IL4I1: variants seen among roughly 807,000 people sequenced by gnomAD.
IL4I1 encodes L-amino-acid oxidase.
IL4I1 carries 24 observed loss-of-function variants against 29.7 expected under a neutral mutation model. That is an observed-to-expected ratio of 0.81 (90% CI 0.59 to 1.14). The LOEUF is 1.14. IL4I1 is among the 50% of genes most tolerant of loss of function. The pLI, the probability that IL4I1 is intolerant of heterozygous loss-of-function variation, is 0.00. For synonymous variants in IL4I1, 371 were observed against 352.5 expected, an observed-to-expected ratio of 1.05 and a Z score of -0.59; for missense variants, 686 against 785.6, an observed-to-expected ratio of 0.87 and a Z score of 1.52.
chr19:49,904,037 C>T (rs2122561684), intron 3 of IL4I1, among the ~76,000 whole-genome samples: 1 of 151,980 alleles, frequency 6.6e-6, no homozygotes, highest in South Asian at 2.1e-4. Context: ...GAGGTTTCGC[C>T]ATGTTGCCCA....
At chr19:49,924,881 C>T (rs542692187) in intron 2 of IL4I1, among the ~76,000 whole-genome samples, 6 of 152,180 alleles carry the variant, frequency 3.9e-5, no homozygotes, top group Non-Finnish European at 5.9e-5. Flanking sequence ...GGAGGGGAAG[C>T]AGAGTCCCTG....
intron 2 of IL4I1, among the ~76,000 whole-genome samples, chr19:49,922,879 C>T (rs1386600940): frequency 2.6e-5 from 4 of 152,110 alleles, no homozygotes; most frequent in Non-Finnish European, 5.9e-5. Flanking sequence ...AGCAGTTCAC[C>T]GGTCCAGGCC....
upstream of IL4I1, among the ~76,000 whole-genome samples, chr19:49,898,178 G>A (rs959491472): frequency 2.6e-5 from 4 of 151,812 alleles, no homozygotes; most frequent in East Asian, 2.0e-4. Context: ...AAAATTAGCC[G>A]GGCATGGTGG....
intron 7 of IL4I1, 134 bp from the exon 8 acceptor site, chr19:49,890,734 C>T (rs1435829918): frequency 3.4e-6 from 3 of 893,274 alleles, no homozygotes; most frequent in African/African-American, 1.7e-5. Context: ...CTCTCCCGAC[C>T]CCGCCCGTCC....
chr19:49,902,599 G>GAGCGGATCACCTGAGGTC (rs2075280941), intron 3 of IL4I1, among the ~76,000 whole-genome samples: 1 of 151,904 alleles, frequency 6.6e-6, no homozygotes, highest in African/African-American at 2.4e-5. Context: ...AGGCCGAGGT[G>GAGCGGATCACCTGAGGTC]AGCGGATCAC....
chr19:49,924,537 GAA>G (rs1273942980), intron 2 of IL4I1, among the ~76,000 whole-genome samples: 1 of 152,118 alleles, frequency 6.6e-6, no homozygotes. Flanking sequence ...CCTCCGCACC[GAA>G]AAAGAGTCCC....
intron 2 of IL4I1, chr19:49,909,380 C>T: frequency 6.2e-7 from 1 of 1,612,924 alleles, no homozygotes; most frequent in Non-Finnish European, 8.5e-7. Context: ...GGTGGAGGGG[C>T]CAAACACAAA....
intron 2 of IL4I1, chr19:49,908,369 G>A (rs747579103): frequency 7.4e-6 from 12 of 1,614,090 alleles, no homozygotes; most frequent in African/African-American, 5.3e-5. Context: ...GTCCATGTGC[G>A]CATTGAGGAT....
intron 2 of IL4I1, among the ~76,000 whole-genome samples, chr19:49,914,540 C>G (rs1393869730): frequency 6.6e-6 from 1 of 152,130 alleles, no homozygotes; most frequent in African/African-American, 2.4e-5. Context: ...AACAACACGG[C>G]CGCCTTCACA....
chr19:49,927,151 G>T (rs928785424), intron 2 of IL4I1, among the ~76,000 whole-genome samples: 9 of 152,074 alleles, frequency 5.9e-5, no homozygotes, highest in African/African-American at 2.2e-4. Flanking sequence ...ATGAGCCACC[G>T]TGCCTGGTCC....
intron 5 of IL4I1, among the ~76,000 whole-genome samples, chr19:49,893,727 G>T (rs906422910): frequency 6.6e-6 from 1 of 151,984 alleles, no homozygotes; most frequent in Non-Finnish European, 1.5e-5. Context: ...AGTGGCTCAC[G>T]CCTGTAATCC....
At chr19:49,891,624 C>T (rs943212522) in intron 5 of IL4I1, 151 bp from the exon 6 acceptor site, 3 of 661,932 alleles carry the variant, frequency 4.5e-6, no homozygotes, top group African/African-American at 1.8e-5. Context: ...CCACACCATG[C>T]CCTCCGCCTT....
At chr19:49,908,175 G>A in intron 2 of IL4I1, 1 of 1,587,096 alleles carries the variant, frequency 6.3e-7, no homozygotes, top group Non-Finnish European at 8.5e-7. Context: ...CCAAACTACA[G>A]ACAACAGGGC....
intron 2 of IL4I1, among the ~76,000 whole-genome samples, chr19:49,927,025 A>G (rs1027347104): frequency 4.6e-5 from 7 of 151,786 alleles, no homozygotes; most frequent in Non-Finnish European, 8.8e-5. Context: ...ACACCCGACT[A>G]TTTTTTTGTA....
chr19:49,918,738 T>C (rs1054954532), intron 2 of IL4I1: 2 of 152,130 alleles, frequency 1.3e-5, no homozygotes, highest in Admixed American at 6.6e-5. Context: ...TTTTACTGCA[T>C]GTTCAGATGT....
rs1397248860 is a variant in IL4I1 at position 49,921,234 on chromosome 19, G to A, written c.-228+6460C>T. Among the ~76,000 whole-genome samples the A allele has an allele frequency of 6.6e-6, 1 of 152,080 alleles. No homozygotes were observed. Among genetic ancestry groups the A allele is most frequent in the Non-Finnish European group, 1.5e-5 (1 of 68,022 alleles). On this transcript the variant is annotated intron_variant, in intron 2 of 9. Transcript: ENST00000341114. This position sits in a 1 kb window ranked among gnomAD's most constrained non-coding sequence, Gnocchi z 5.4. ...ATGAGCAAACTGAGAAAGGGGAGAGGACTTCAGTCACCTGCGTAAAGTCCC... is the reference window on the plus strand; with the variant it reads ...ATGAGCAAACTGAGAAAGGGGAGAGAACTTCAGTCACCTGCGTAAAGTCCC...
At chr19:49,890,738 C>A (rs868090624) in intron 7 of IL4I1, 138 bp from the exon 8 acceptor site, 1 of 880,732 alleles carries the variant, frequency 1.1e-6, no homozygotes, top group Admixed American at 3.0e-5. Flanking sequence ...CCCGACCCCG[C>A]CCGTCCCTGA....
At chr19:49,890,805 C>A (rs899548378) in intron 7 of IL4I1, among the ~76,000 whole-genome samples, 166 bp downstream of exon 7, 5 of 152,090 alleles carry the variant, frequency 3.3e-5, no homozygotes, top group Non-Finnish European at 5.9e-5. Context: ...ACCACTTCTC[C>A]CCTAGGCCGT....
At chr19:49,896,125 G>A in intron 2 of IL4I1, 23 bp downstream of exon 2, 2 of 1,524,090 alleles carry the variant, frequency 1.3e-6, no homozygotes, top group Non-Finnish European at 1.8e-6. Context: ...ACTTGTTCCA[G>A]AGCCCCTCCC....
Sources: gnomAD v4.1 joint callset for allele counts (sites outside exome capture counted in the v4.1 genomes callset) on GRCh38, gnomAD v4.1.1 for gene constraint, Gnocchi (gnomAD v3.1) non-coding constraint, MANE v1.5 for transcripts, NCBI Gene and HGNC (gene_info 2026-07-23, HGNC 2026-07-21) for gene names.